The following EPS15L1 variants were observed in gnomAD, a reference collection of about 807,000 sequenced individuals.
The protein encoded by EPS15L1 is epidermal growth factor receptor pathway substrate 15 like 1, also known as epidermal growth factor receptor substrate 15-like 1.
A neutral mutation model predicts 117.1 loss-of-function variants in EPS15L1; 43 were observed. The ratio of observed to expected loss-of-function variants is 0.37; its 90% CI spans 0.29 to 0.47. EPS15L1 has a LOEUF of 0.47. Among genes scored for constraint, EPS15L1 ranks in the 20% least tolerant of loss-of-function variants. The probability of loss-of-function intolerance (pLI) is 0.99; values close to 1 mark genes in which losing one functional copy is unlikely to be tolerated. For synonymous variants in EPS15L1, 459 were observed against 470.5 expected (o/e 0.98, Z 0.32); for missense variants, 981 against 1,164.0 (o/e 0.84, Z 2.29).
chr19:16,404,427 C>T lies in EPS15L1; in HGVS notation c.1428+161G>A, dbSNP rs566445321. ...ACAGGGGGGTGGCCAGGAAGTCAAG[C>T]CACAGGTGCTTGGACACTTTTCCAC... On this transcript the variant is annotated intron_variant, in intron 14 of 23. Coordinates refer to ENST00000455140, the MANE Select transcript of EPS15L1 (RefSeq NM_001258374.3). The surrounding 1 kb of genome is among the most constrained non-coding windows in gnomAD (Gnocchi z 4.2). Among the ~76,000 whole-genome samples the T allele has an allele frequency of 3.6e-4, 55 of 152,274 alleles. No individual in the cohort carries two copies. In the South Asian group the frequency reaches 3.9e-3, roughly 11 times the overall value.
chr19:16,373,122 T>C (rs1487758909), intron 22 of EPS15L1, among the ~76,000 whole-genome samples: 4 of 152,220 alleles, frequency 2.6e-5, no homozygotes, highest in Non-Finnish European at 5.9e-5. Context: ...AGTGCAGGTG[T>C]CAACGCTGTG....
chr19:16,384,598 A>G lies in EPS15L1; in HGVS notation c.2247+531T>C, dbSNP rs569114049. ...CACCGTGTGGTGAGGGCCGGACACC[A>G]ACGGGTCCAGTCTGGTAACCAGCCT... On this transcript the variant is annotated intron_variant, in intron 21 of 23. Transcript: ENST00000455140. Among the ~76,000 whole-genome samples the G allele has an allele frequency of 3.6e-4, 55 of 152,272 alleles. No individual in the cohort carries two copies. In the South Asian group the frequency reaches 3.9e-3, roughly 11 times the overall value.
intron 13 of EPS15L1, chr19:16,412,604 A>T (rs2092716439): frequency 6.6e-6 from 1 of 152,322 alleles, no homozygotes; most frequent in African/African-American, 2.4e-5. Flanking sequence ...TGAGCTCAAG[A>T]GTCTGAGACC....
intron 13 of EPS15L1, chr19:16,413,186 C>T (rs1054248166): frequency 1.1e-5 from 7 of 656,750 alleles, no homozygotes; most frequent in East Asian, 8.8e-5. Context: ...CCATTGTCCC[C>T]GTGTGCAGAG....
chr19:16,428,444 G>A (rs1162703000), intron 8 of EPS15L1, among the ~76,000 whole-genome samples: 1 of 135,282 alleles, frequency 7.4e-6, no homozygotes, highest in Non-Finnish European at 1.6e-5. Context: ...AGGAAGGAAG[G>A]AGGGAGGGAG....
intron 4 of EPS15L1, among the ~76,000 whole-genome samples, chr19:16,438,839 A>T (rs2093001342): frequency 6.6e-6 from 1 of 151,912 alleles, no homozygotes; most frequent in African/African-American, 2.4e-5. Flanking sequence ...AATTTTTTTT[A>T]AAGCAGTCGT....
intron 1 of EPS15L1, among the ~76,000 whole-genome samples, chr19:16,461,778 G>A (rs931697113): frequency 7.9e-5 from 12 of 152,118 alleles, no homozygotes; most frequent in African/African-American, 2.7e-4. Flanking sequence ...AGCCCTGGTG[G>A]TGCCCTGACT....
chr19:16,370,592 G>A lies in EPS15L1; in HGVS notation c.2380+6530C>T, dbSNP rs949632380. ...ACACCAGATGATAATCGAGTCACAC[G>A]ACACTCCCTGGATCCGCCTCTGGGT... On this transcript the variant is annotated intron_variant, in intron 22 of 23. Transcript: ENST00000455140. This position sits in a 1 kb window ranked among gnomAD's most constrained non-coding sequence, Gnocchi z 5.2. 6.6e-6 allele frequency among the ~76,000 whole-genome samples: 1 copy of A among 152,308 alleles called. No homozygotes were observed. The highest frequency in any genetic ancestry group is 2.4e-5 in the African/African-American group (1 of 41,568).
intron 1 of EPS15L1, among the ~76,000 whole-genome samples, chr19:16,444,386 T>C (rs1031747232): frequency 7.9e-5 from 12 of 152,162 alleles, no homozygotes; most frequent in Non-Finnish European, 1.8e-4. Context: ...ACACCATTCC[T>C]GGGTGAGGGG....
intron 16 of EPS15L1, among the ~76,000 whole-genome samples, chr19:16,398,624 G>C (rs2092564817): frequency 6.6e-6 from 1 of 152,226 alleles, no homozygotes; most frequent in African/African-American, 2.4e-5. Context: ...AAGAATGCCA[G>C]CTTGACCTCA....
At chr19:16,393,077 T>TATAATAATA (rs149019261) in intron 18 of EPS15L1, among the ~76,000 whole-genome samples, 41 of 142,538 alleles carry the variant, frequency 2.9e-4, no homozygotes, top group African/African-American at 9.4e-4. Context: ...AGGAGCTGGA[T>TATAATAATA]ATAATAATAA....
intron 10 of EPS15L1, among the ~76,000 whole-genome samples, 187 bp downstream of exon 10, chr19:16,421,132 C>T (rs935555975): frequency 3.3e-5 from 5 of 152,374 alleles, no homozygotes; most frequent in South Asian, 2.1e-4. Context: ...TCACGGAGCG[C>T]GGGCTTCGAG....
chr19:16,392,385 A>G lies in EPS15L1; in HGVS notation c.2022T>C (p.Thr674=). The G allele has an allele frequency of 6.2e-7, 1 of 1,614,184 alleles. No homozygotes were observed. Among genetic ancestry groups the G allele is most frequent in the Non-Finnish European group, 8.5e-7 (1 of 1,179,980 alleles). Residue 674 remains threonine, a synonymous_variant, in exon 19 of 24, where the codon ACT becomes ACC. Transcript: ENST00000455140. ...TTGTCTGTTTCTTGAAGAAGTCGTC[A>G]GTGGCAGAGCCACGGAATGGGTCAC... The part of the protein sequence containing the change: ...KESDPFRGSA[T]DDFFKKQTKN...
intron 6 of EPS15L1, chr19:16,435,350 A>T (rs2092968535): frequency 6.6e-6 from 1 of 152,150 alleles, no homozygotes; most frequent in African/African-American, 2.4e-5. Context: ...TAGGATGGGG[A>T]GTCACAGTTC....
chr19:16,456,958 G>T (rs1223492775), intron 1 of EPS15L1, among the ~76,000 whole-genome samples: 1 of 152,046 alleles, frequency 6.6e-6, no homozygotes, highest in East Asian at 1.9e-4. Flanking sequence ...AGCAGAACAT[G>T]GGGAGGGGGT....
chr19:16,406,053 G>A (rs926635637), intron 13 of EPS15L1, among the ~76,000 whole-genome samples: 15 of 151,842 alleles, frequency 9.9e-5, no homozygotes, highest in African/African-American at 3.6e-4. Flanking sequence ...GGAGGGGTGG[G>A]TTTGCGGGGA....
intron 1 of EPS15L1, among the ~76,000 whole-genome samples, chr19:16,459,835 A>G (rs1474585765): frequency 1.3e-5 from 2 of 152,196 alleles, no homozygotes; most frequent in Admixed American, 1.3e-4. Flanking sequence ...TTGCAGGTGT[A>G]AAATCACAGT....
intron 13 of EPS15L1, among the ~76,000 whole-genome samples, chr19:16,408,728 A>G (rs1456874601): frequency 6.6e-6 from 1 of 152,122 alleles, no homozygotes; most frequent in Non-Finnish European, 1.5e-5. Flanking sequence ...CAGAGAAGAA[A>G]AAGATGGAGG....
At chr19:16,468,071 G>A (rs2093319092) in intron 1 of EPS15L1, among the ~76,000 whole-genome samples, 1 of 152,136 alleles carries the variant, frequency 6.6e-6, no homozygotes, top group African/African-American at 2.4e-5. Context: ...CAGTTACCAC[G>A]CGCTTCCTAG....
Sources: gnomAD v4.1 joint callset for allele counts (sites outside exome capture counted in the v4.1 genomes callset) on GRCh38, gnomAD v4.1.1 for gene constraint, Gnocchi (gnomAD v3.1) non-coding constraint, MANE v1.5 for transcripts, NCBI Gene and HGNC (gene_info 2026-07-23, HGNC 2026-07-21) for gene names.